The following KLHL29 variants were observed in gnomAD, a reference collection of about 807,000 sequenced individuals.
The protein encoded by KLHL29 is kelch like family member 29.
KLHL29 carries 21 observed loss-of-function variants against 80.4 expected under a neutral mutation model. The observed-to-expected ratio is 0.26, with a 90% confidence interval of 0.19 to 0.38. The LOEUF (loss-of-function observed/expected upper bound fraction) is 0.38, where lower values mean the gene tolerates loss of function less well. Among genes scored for constraint, KLHL29 ranks in the 10% least tolerant of loss-of-function variants. KLHL29 has a pLI of 1.00. For synonymous variants in KLHL29, 511 were observed against 526.8 expected, an observed-to-expected ratio of 0.97 and a Z score of 0.41; for missense variants, 867 against 1,223.9, an observed-to-expected ratio of 0.71 and a Z score of 4.35.
At chr2:23,391,756 A>G (rs1666327812) in intron 1 of KLHL29, among the ~76,000 whole-genome samples, 2 of 152,240 alleles carry the variant, frequency 1.3e-5, no homozygotes, top group African/African-American at 4.8e-5. Context: ...GACTTTTAAC[A>G]CTAACAAATT....
At chr2:23,475,916 CCAGCCCAG>C (rs1268253570) in intron 2 of KLHL29, among the ~76,000 whole-genome samples, 1 of 152,216 alleles carries the variant, frequency 6.6e-6, no homozygotes, top group African/African-American at 2.4e-5. Flanking sequence ...TTGTTGTTGT[CCAGCCCAG>C]GCTGGAGCGC....
At chr2:23,509,025 T>A (rs1431595835) in intron 2 of KLHL29, among the ~76,000 whole-genome samples, 1 of 152,176 alleles carries the variant, frequency 6.6e-6, no homozygotes, top group African/African-American at 2.4e-5. Context: ...TGTACCTCCG[T>A]CATGAGAATC....
At chr2:23,489,265 C>G (rs954424577) in intron 2 of KLHL29, among the ~76,000 whole-genome samples, 1 of 152,102 alleles carries the variant, frequency 6.6e-6, no homozygotes, top group Non-Finnish European at 1.5e-5. Context: ...AAGGGCCTAC[C>G]CGCGAGCCTG....
Position 23,438,458 on chromosome 2 carries a change from A to G in KLHL29, c.-153-37102A>G, listed in dbSNP as rs1663409685. On this transcript the variant is annotated intron_variant, in intron 1 of 13. Coordinates refer to ENST00000486442, the MANE Select transcript of KLHL29 (RefSeq NM_052920.2). ...TATCGGCTGTGGGTTTGTCATAGAT[A>G]GCTCTTATTATTTTGAGATACGTCC... Among the ~76,000 whole-genome samples, 3 of 133,900 alleles carry G rather than the reference A, an allele frequency of 2.2e-5. No individual in the cohort carries two copies. In the South Asian group the frequency reaches 7.5e-4, roughly 34 times the overall value. The allele number at this position is 133,900 out of a possible 152,430, so 87.8% of individuals were successfully genotyped here.
At chr2:23,497,700 T>G (rs1283892787) in intron 2 of KLHL29, among the ~76,000 whole-genome samples, 1 of 152,142 alleles carries the variant, frequency 6.6e-6, no homozygotes, top group Non-Finnish European at 1.5e-5. Flanking sequence ...CCTTAAGCTC[T>G]TTGGAGGAGA....
At chr2:23,705,242 C>T (rs1338950101) in intron 13 of KLHL29, among the ~76,000 whole-genome samples, 2 of 152,188 alleles carry the variant, frequency 1.3e-5, no homozygotes, top group Non-Finnish European at 2.9e-5. Context: ...CCTGTAATCC[C>T]AGCACTTTGG....
intron 3 of KLHL29, among the ~76,000 whole-genome samples, chr2:23,567,715 G>A (rs1331783166): frequency 6.6e-6 from 1 of 152,204 alleles, no homozygotes; most frequent in Non-Finnish European, 1.5e-5. Context: ...GGATGCTTTT[G>A]CACAGAACTC....
intron 1 of KLHL29, among the ~76,000 whole-genome samples, chr2:23,403,497 G>A (rs1384932386): frequency 6.6e-6 from 1 of 152,120 alleles, no homozygotes; most frequent in Non-Finnish European, 1.5e-5. Context: ...CTTAAAGCAG[G>A]CTTCAAACCT....
intron 3 of KLHL29, among the ~76,000 whole-genome samples, chr2:23,622,742 T>C (rs1167237001): frequency 2.0e-5 from 3 of 152,206 alleles, no homozygotes; most frequent in East Asian, 1.9e-4. Flanking sequence ...ACGCCAGCCA[T>C]CTGCATGGGT....
chr2:23,424,899 A>G (rs1662964703), intron 1 of KLHL29, among the ~76,000 whole-genome samples: 1 of 152,248 alleles, frequency 6.6e-6, no homozygotes, highest in Non-Finnish European at 1.5e-5. Context: ...ATCGGGTCAC[A>G]AAAGCAGTTT....
chr2:23,482,853 AT>A (rs1315167612), intron 2 of KLHL29, among the ~76,000 whole-genome samples: 5 of 151,668 alleles, frequency 3.3e-5, no homozygotes, highest in Admixed American at 6.6e-5. Flanking sequence ...TCATTCATTC[AT>A]TCATTCATTC....
At chr2:23,559,219 G>C (rs1378958062) in intron 2 of KLHL29, among the ~76,000 whole-genome samples, 2 of 152,212 alleles carry the variant, frequency 1.3e-5, no homozygotes, top group Admixed American at 6.5e-5. Context: ...TGGAATGATG[G>C]GCCATGGTCT....
chr2:23,634,050 G>C (rs138797516), intron 3 of KLHL29, among the ~76,000 whole-genome samples: 1 of 152,068 alleles, frequency 6.6e-6, no homozygotes, highest in East Asian at 1.9e-4. Flanking sequence ...TGACCCCCAC[G>C]GCTCCCTGGT....
At chr2:23,699,086 G>A (rs920615658) in intron 11 of KLHL29, among the ~76,000 whole-genome samples, 4 of 152,294 alleles carry the variant, frequency 2.6e-5, no homozygotes, top group African/African-American at 4.8e-5. Context: ...AATCTGCCCC[G>A]CTGCTGCCCT....
At chr2:23,466,586 G>A (rs1376301946) in intron 1 of KLHL29, among the ~76,000 whole-genome samples, 2 of 152,186 alleles carry the variant, frequency 1.3e-5, no homozygotes, top group Admixed American at 1.3e-4. Flanking sequence ...GTGTGGGCCC[G>A]AGATGGAGAG....
chr2:23,584,413 C>T (rs905532740), intron 3 of KLHL29, among the ~76,000 whole-genome samples: 1 of 152,260 alleles, frequency 6.6e-6, no homozygotes, highest in Non-Finnish European at 1.5e-5. Context: ...ATGGCAGAAA[C>T]TCTGGGACTA....
rs1370751032 is a variant in KLHL29 at position 23,519,008 on chromosome 2, T to C, written c.-45-43144T>C. Among the ~76,000 whole-genome samples the C allele has an allele frequency of 2.0e-5, 3 of 152,128 alleles. No individual in the cohort carries two copies. The East Asian group carries it at 5.8e-4, about 29-fold the overall frequency. On this transcript the variant is annotated intron_variant, in intron 2 of 13. Transcript: ENST00000486442. ...GAAAGAGGCTGCTCTGTGGGCCTAG[T>C]GAGGGCTGGGCTGCCAGGCGGCATG...
chr2:23,670,964 CTCTCTCTCTCTCT>C (rs1670715276), intron 5 of KLHL29, among the ~76,000 whole-genome samples: 3 of 24,034 alleles, frequency 1.2e-4, no homozygotes, highest in Non-Finnish European at 3.3e-4. Context: ...CTCTCTCTCT[CTCTCTCTCTCTCT>C]CTCCCTCCCT....
intron 1 of KLHL29, among the ~76,000 whole-genome samples, chr2:23,429,478 C>T (rs982648544): frequency 1.3e-5 from 2 of 152,352 alleles, no homozygotes; most frequent in South Asian, 2.1e-4. Flanking sequence ...ACAGGCTGGG[C>T]GCAGTGGCTC....
Sources: allele counts gnomAD v4.1 joint callset (sites outside exome capture counted in the v4.1 genomes callset), GRCh38; gene constraint gnomAD v4.1.1; transcripts MANE v1.5; gene names NCBI Gene and HGNC (gene_info 2026-07-23, HGNC 2026-07-21).